DENND5B: variants seen among roughly 807,000 people sequenced by gnomAD.
The protein encoded by DENND5B is DENN domain-containing protein 5B.
DENND5B carries 34 observed loss-of-function variants against 140.6 expected under a neutral mutation model. The observed-to-expected ratio is 0.24, with a 90% CI of 0.18 to 0.32. The LOEUF is 0.32. DENND5B is among the 10% of genes least tolerant of loss of function. The pLI, the probability that DENND5B is intolerant of heterozygous loss-of-function variation, is 1.00. For synonymous variants in DENND5B, 551 were observed against 562.1 expected (o/e 0.98, Z 0.28); for missense variants, 1,142 against 1,560.2 (o/e 0.73, Z 4.52).
chr12:31,481,874 G>A (rs1481650800), intron 2 of DENND5B, among the ~76,000 whole-genome samples: 3 of 152,144 alleles, frequency 2.0e-5, no homozygotes, highest in Non-Finnish European at 2.9e-5. Flanking sequence ...GTTCCAAAGA[G>A]GCAGCAGGAA....
At chr12:31,526,052 C>T (rs1434062045) in intron 1 of DENND5B, among the ~76,000 whole-genome samples, 1 of 152,152 alleles carries the variant, frequency 6.6e-6, no homozygotes, top group Non-Finnish European at 1.5e-5. Flanking sequence ...ATGTGATCTT[C>T]TCCCTATTTC....
intron 1 of DENND5B, among the ~76,000 whole-genome samples, chr12:31,581,454 C>G (rs1280532227): frequency 6.6e-6 from 1 of 151,836 alleles, no homozygotes; most frequent in African/African-American, 2.4e-5. Flanking sequence ...TTTGGGAGGC[C>G]GAGGCGGGCA....
chr12:31,588,378 A>C (rs145868436), intron 1 of DENND5B, among the ~76,000 whole-genome samples: 1 of 152,288 alleles, frequency 6.6e-6, no homozygotes, highest in East Asian at 1.9e-4. Flanking sequence ...ACTTATTAAC[A>C]TCTGGAGAAC....
At position 31,495,599 on chromosome 12, in the gene DENND5B, A is replaced by G. The variant is rs536727953; in HGVS notation, c.237+211T>C. On this transcript the variant is annotated intron_variant, in intron 2 of 20. Coordinates refer to ENST00000389082, the MANE Select transcript of DENND5B (RefSeq NM_144973.4). Reference sequence around the variant, plus strand: ...TCACTATGTTGGTCAGGCTGGTCTTAAACTGACCTCAGGTGATCCACCTGC... The same window carrying G: ...TCACTATGTTGGTCAGGCTGGTCTTGAACTGACCTCAGGTGATCCACCTGC... 2.0e-5 allele frequency among the ~76,000 whole-genome samples: 3 copies of G among 151,844 alleles called. No homozygotes were observed. The East Asian group carries it at 5.8e-4, about 29-fold the overall frequency.
At chr12:31,423,233 G>GTAATAC (rs1203292534) in intron 11 of DENND5B, among the ~76,000 whole-genome samples, 2 of 151,900 alleles carry the variant, frequency 1.3e-5, no homozygotes, top group Non-Finnish European at 2.9e-5. Context: ...GAGCCACCGT[G>GTAATAC]CCTAGCATAA....
At chr12:31,566,575 C>G (rs1043078774) in intron 1 of DENND5B, among the ~76,000 whole-genome samples, 1 of 151,710 alleles carries the variant, frequency 6.6e-6, no homozygotes, top group Non-Finnish European at 1.5e-5. Flanking sequence ...TCAAGACGAG[C>G]AAGGGCCACA....
intron 11 of DENND5B, among the ~76,000 whole-genome samples, chr12:31,423,055 C>T (rs774072400): frequency 6.6e-6 from 1 of 151,932 alleles, no homozygotes; most frequent in Non-Finnish European, 1.5e-5. Flanking sequence ...ATTCTCCTGC[C>T]TCAGCCTCCC....
rs1944562972 is a variant in DENND5B, at chr12:31,452,162, T to C, written c.1407A>G (p.Glu469=). 6.2e-7 allele frequency: 1 copy of C among 1,614,008 alleles called. No individual in the cohort carries two copies. The highest frequency in any genetic ancestry group is 2.2e-5 in the East Asian group (1 of 44,890). ...ALAKRTGVAV[E]KMDLSASLGE... is the part of the protein sequence containing the mutation. ...CCAGAGAAGCAGAGAGGTCCATTTT[T>C]TCCACAGCCACACCAGTACGCTTGG... The change falls in exon 5 of 21, where the codon GAA becomes GAG. Residue 469 remains glutamate, a synonymous_variant. Transcript: ENST00000389082.
chr12:31,496,844 A>AT (rs758545644), intron 1 of DENND5B, among the ~76,000 whole-genome samples: 9 of 152,192 alleles, frequency 5.9e-5, no homozygotes, highest in Non-Finnish European at 1.2e-4. Context: ...GTTTCATGAA[A>AT]TATTTTAAGG....
intron 6 of DENND5B, chr12:31,444,016 G>A (rs1944166011): frequency 6.6e-6 from 1 of 152,082 alleles, no homozygotes; most frequent in South Asian, 2.1e-4. Context: ...CTATTTCTCA[G>A]GTAAACAAAT....
At chr12:31,431,475 T>C (rs59351116) in intron 8 of DENND5B, among the ~76,000 whole-genome samples, 22,594 of 152,108 alleles carry the variant, frequency 0.15, 1,892 homozygotes, top group East Asian at 0.25. Context: ...TCCAGCTCTG[T>C]CTTTGTGTGC....
intron 1 of DENND5B, among the ~76,000 whole-genome samples, chr12:31,498,124 T>G (rs1174711407): frequency 1.3e-5 from 2 of 152,178 alleles, no homozygotes; most frequent in African/African-American, 4.8e-5. Context: ...AACTTCATGA[T>G]AGCCATCAAG....
Position 31,452,455 on chromosome 12 carries a change from T to C in DENND5B, c.1114A>G (p.Ile372Val), listed in dbSNP as rs756925960. 2.5e-6 allele frequency: 4 copies of C among 1,602,702 alleles called. No homozygotes were observed. Among genetic ancestry groups the C allele is most frequent in the East Asian group, 4.5e-5 (2 of 44,784 alleles). ...GGCAACTCAATAAAATGGTTGTCAA[T>C]GTCCACAAAACACAAATTAGCCTGA... ...PQEANLCFVDIDNHFIELPEE... is the reference protein window; with the variant it reads ...PQEANLCFVDVDNHFIELPEE... Residue 372 changes from isoleucine to valine, a missense_variant, in exon 5 of 21, where the codon ATT becomes GTT. Ile to Val is a conservative substitution (Grantham distance 29, BLOSUM62 3). Around this residue, in one of 5 missense-constraint regions of DENND5B, gnomAD observed 708 missense variants for 905.5 expected, o/e 0.78. Coordinates refer to ENST00000389082, the MANE Select transcript of DENND5B (RefSeq NM_144973.4).
intron 8 of DENND5B, among the ~76,000 whole-genome samples, chr12:31,430,353 T>C (rs568331101): frequency 6.6e-6 from 1 of 150,770 alleles, no homozygotes; most frequent in African/African-American, 2.4e-5. Flanking sequence ...AATTACTGGA[T>C]TAAAAATTAA....
intron 1 of DENND5B, chr12:31,590,470 A>C: frequency 2.5e-6 from 1 of 401,366 alleles, no homozygotes. Flanking sequence ...CGCGCCTGTT[A>C]TTAATAACCC....
Position 31,479,231 on chromosome 12 carries a change from C to A in DENND5B, c.904+358G>T, listed in dbSNP as rs368034890. ...ATCCATAAAGAATGGGAAGTCTACA[C>A]GTTTCTGGTAGTAACAGAGTTCTCT... On this transcript the variant is annotated intron_variant, in intron 3 of 20. Coordinates refer to ENST00000389082, the MANE Select transcript of DENND5B (RefSeq NM_144973.4). 1.2e-4 allele frequency among the ~76,000 whole-genome samples: 19 copies of A among 152,280 alleles called. No individual in the cohort carries two copies. The East Asian group carries it at 2.9e-3, about 23-fold the overall frequency.
chr12:31,516,622 C>G (rs980018833), intron 1 of DENND5B, among the ~76,000 whole-genome samples: 4 of 152,090 alleles, frequency 2.6e-5, no homozygotes, highest in Admixed American at 2.6e-4. Context: ...AAACAATATA[C>G]GATTTATGTG....
At chr12:31,525,983 A>G (rs1786039692) in intron 1 of DENND5B, among the ~76,000 whole-genome samples, 1 of 152,182 alleles carries the variant, frequency 6.6e-6, no homozygotes, top group Non-Finnish European at 1.5e-5. Flanking sequence ...GTGGAAGTGA[A>G]ACCCTGTCTC....
rs771606862 is a variant in DENND5B at position 31,387,697 on chromosome 12, C to T, written c.3731G>A (p.Arg1244His). The T allele has an allele frequency of 8.1e-6, 13 of 1,614,018 alleles. No individual in the cohort carries two copies. The highest frequency in any genetic ancestry group is 5.0e-5 in the Admixed American group (3 of 60,016). ...TCGGATAAGGGAGTTGACAGTCATG[C>T]GGTCTCGCAGGAGAGCGCTCTCTTC... ...MYEESALLRDRMTVNSLIRIL... is the reference protein window; with the variant it reads ...MYEESALLRDHMTVNSLIRIL... The change falls in exon 21 of 21, where the codon CGC becomes CAC. Residue 1244 changes from arginine (R) to histidine (H), a missense_variant. Coordinates refer to ENST00000389082, the MANE Select transcript of DENND5B (RefSeq NM_144973.4).
Sources: gnomAD v4.1 joint callset for allele counts (sites outside exome capture counted in the v4.1 genomes callset) on GRCh38, gnomAD v4.1.1 for gene constraint, gnomAD v4.1.1 regional missense constraint, MANE v1.5 for transcripts, NCBI Gene and HGNC (gene_info 2026-07-23, HGNC 2026-07-21) for gene names.